The following COBL variants were observed in gnomAD, a reference collection of about 807,000 sequenced individuals.
COBL encodes cordon-bleu WH2 repeat protein, also known as protein cordon-bleu.
In COBL, 51 loss-of-function variants were observed where a neutral mutation model predicts 98.8. The ratio of observed to expected loss-of-function variants is 0.52; its 90% CI spans 0.41 to 0.65. The LOEUF (loss-of-function observed/expected upper bound fraction) is 0.65, where lower values mean the gene tolerates loss of function less well. Ranked by LOEUF, COBL falls within the 30% of genes least tolerant of loss-of-function variation. COBL has a pLI of 0.00. For missense variants in COBL, 1,617 were observed against 1,617.5 expected, an observed-to-expected ratio of 1.00 and a Z score of 0.01; for synonymous variants, 634 against 651.7, an observed-to-expected ratio of 0.97 and a Z score of 0.41.
intron 5 of COBL, among the ~76,000 whole-genome samples, chr7:51,169,409 G>T (rs1584038066): frequency 6.6e-6 from 1 of 152,154 alleles, no homozygotes; most frequent in African/African-American, 2.4e-5. Flanking sequence ...TCCTGAGGCT[G>T]TGTCATGAGT....
rs562022691 is a variant in COBL, at chr7:51,181,735, C to T, written c.783+2367G>A. On this transcript the variant is annotated intron_variant, in intron 5 of 12. Transcript: ENST00000265136. ...CCCCTTGCAATCCACAGAGAGGACTCGATCACTGACTGCGCCTTCACTGCT... is the reference window on the plus strand; with the variant it reads ...CCCCTTGCAATCCACAGAGAGGACTTGATCACTGACTGCGCCTTCACTGCT... Among the ~76,000 whole-genome samples the T allele has an allele frequency of 2.0e-4, 30 of 152,190 alleles. No homozygotes were observed. In the South Asian group the frequency reaches 4.4e-3, roughly 22 times the overall value.
rs549174963 is a variant in COBL, at chr7:51,086,408, T to C, written c.958-1104A>G. 1.8e-4 allele frequency among the ~76,000 whole-genome samples: 26 copies of C among 147,384 alleles called. 1 individual carries two copies. Among genetic ancestry groups the C allele is most frequent in the African/African-American group, 6.2e-4 (25 of 40,036 alleles). ...AAGAATGAACATGGTGACTATCATA[T>C]GACAAGAGCTGTCCTGCTCTCTAGT... is the stretch of plus-strand genomic sequence containing the variant. On this transcript the variant is annotated intron_variant, in intron 6 of 12. Transcript: ENST00000265136.
At chr7:51,107,230 G>T (rs1376705861) in intron 6 of COBL, among the ~76,000 whole-genome samples, 1 of 151,760 alleles carries the variant, frequency 6.6e-6, no homozygotes. Context: ...GAGTAGCTGG[G>T]ACTACAGGCG....
At chr7:51,273,047 A>G (rs1473085716) in intron 1 of COBL, among the ~76,000 whole-genome samples, 1 of 152,174 alleles carries the variant, frequency 6.6e-6, no homozygotes, top group African/African-American at 2.4e-5. Context: ...GTTACCTCAA[A>G]GCCAGGCGCA....
intron 6 of COBL, among the ~76,000 whole-genome samples, chr7:51,128,757 C>G (rs1457937740): frequency 6.6e-6 from 1 of 152,228 alleles, no homozygotes; most frequent in Admixed American, 6.5e-5. Context: ...GTGCCATGCA[C>G]CCCCATGTGC....
chr7:51,152,129 T>C (rs1785622449), intron 5 of COBL, among the ~76,000 whole-genome samples: 1 of 152,130 alleles, frequency 6.6e-6, no homozygotes, highest in South Asian at 2.1e-4. Flanking sequence ...AGTGCCAAGA[T>C]AGACTAATAC....
At position 51,254,161 on chromosome 7, in the gene COBL, T is replaced by C. The variant is rs77433866; in HGVS notation, c.42-34217A>G. ...AGATATATACCATAAACAATTTCCA[T>C]GTCCCCTCTTCATTGACAATGATTA... is the stretch of plus-strand genomic sequence containing the variant. On this transcript the variant is annotated intron_variant, in intron 1 of 12. Coordinates refer to ENST00000265136, the MANE Select transcript of COBL (RefSeq NM_015198.5). Among the ~76,000 whole-genome samples, 553 of 152,154 alleles carry C rather than the reference T, an allele frequency of 3.6e-3. 1 individual carries two copies. Among genetic ancestry groups the C allele is most frequent in the African/African-American group, 0.012 (509 of 41,564 alleles).
At chr7:51,166,230 AAGAG>A (rs1315939899) in intron 5 of COBL, among the ~76,000 whole-genome samples, 4 of 152,030 alleles carry the variant, frequency 2.6e-5, no homozygotes, top group Non-Finnish European at 4.4e-5. Context: ...TGAAGAAAAA[AAGAG>A]AGAAGATACA....
chr7:51,184,304 G>C (rs1033773916), intron 4 of COBL, 105 bp from the exon 5 acceptor site: 64 of 630,308 alleles, frequency 1.0e-4, no homozygotes, highest in African/African-American at 9.6e-4. Context: ...TAAACTTTTA[G>C]TTCTTGTAAG....
chr7:51,237,296 C>CA (rs1358503024), intron 1 of COBL, among the ~76,000 whole-genome samples: 1 of 147,780 alleles, frequency 6.8e-6, no homozygotes, highest in Non-Finnish European at 1.5e-5. Context: ...AGAAAAAAAA[C>CA]AAAGATTTTA....
chr7:51,117,794 A>G (rs1000832270), intron 6 of COBL, among the ~76,000 whole-genome samples: 3 of 152,064 alleles, frequency 2.0e-5, no homozygotes, highest in Non-Finnish European at 4.4e-5. Flanking sequence ...GACATTGTTG[A>G]GTGTTATGCT....
chr7:51,032,840 G>A (rs924727877), intron 8 of COBL: 3 of 152,168 alleles, frequency 2.0e-5, no homozygotes, highest in African/African-American at 7.2e-5. Context: ...ATATATGGCA[G>A]AGAAAAATGG....
At chr7:51,226,551 T>C (rs1794215372) in intron 1 of COBL, among the ~76,000 whole-genome samples, 1 of 149,548 alleles carries the variant, frequency 6.7e-6, no homozygotes, top group South Asian at 2.8e-4. Context: ...AGTGAGTAAG[T>C]GAGTGACTAA....
chr7:51,201,558 T>C (rs1791130187), intron 2 of COBL, among the ~76,000 whole-genome samples: 3 of 152,214 alleles, frequency 2.0e-5, no homozygotes, highest in Admixed American at 6.5e-5. Flanking sequence ...TAGACCATTC[T>C]GGTAGAAAGA....
At chr7:51,310,672 G>GT (rs1265653838) in intron 1 of COBL, among the ~76,000 whole-genome samples, 1 of 152,116 alleles carries the variant, frequency 6.6e-6, no homozygotes, top group African/African-American at 2.4e-5. Flanking sequence ...GTTTGGTTTG[G>GT]TTTTTTTGAG....
intron 1 of COBL, among the ~76,000 whole-genome samples, chr7:51,285,237 G>C (rs994225087): frequency 1.3e-5 from 2 of 150,646 alleles, no homozygotes; most frequent in African/African-American, 4.9e-5. Flanking sequence ...AAGCCACCGT[G>C]CCCAGCTATT....
At chr7:51,278,434 C>T (rs1334742993) in intron 1 of COBL, among the ~76,000 whole-genome samples, 1 of 137,904 alleles carries the variant, frequency 7.3e-6, no homozygotes, top group Admixed American at 8.1e-5. Flanking sequence ...GGCTGGAGTG[C>T]AATGGCGCGA....
At chr7:51,089,756 T>C (rs1022952522) in intron 6 of COBL, among the ~76,000 whole-genome samples, 1 of 152,190 alleles carries the variant, frequency 6.6e-6, no homozygotes, top group Non-Finnish European at 1.5e-5. Context: ...TGATCTGATA[T>C]ACATATCTAT....
At chr7:51,159,161 C>A (rs1562977929) in intron 5 of COBL, among the ~76,000 whole-genome samples, 1 of 152,182 alleles carries the variant, frequency 6.6e-6, no homozygotes, top group Admixed American at 6.5e-5. Flanking sequence ...GCGCGCGCTG[C>A]GCTCTGGATG....
Sources: gnomAD v4.1 joint callset for allele counts (sites outside exome capture counted in the v4.1 genomes callset) on GRCh38, gnomAD v4.1.1 for gene constraint, MANE v1.5 for transcripts, NCBI Gene and HGNC (gene_info 2026-07-23, HGNC 2026-07-21) for gene names.